RBMS3: variants seen among roughly 807,000 people sequenced by gnomAD.
RBMS3 encodes RNA-binding motif, single-stranded-interacting protein 3.
Under a neutral mutation model 66.8 loss-of-function variants are expected in RBMS3, and 27 were observed. That is an observed-to-expected ratio of 0.40 (90% CI 0.30 to 0.56). The LOEUF (loss-of-function observed/expected upper bound fraction) is 0.56. RBMS3 is among the 20% of genes least tolerant of loss of function. RBMS3 has a pLI of 0.40. For synonymous variants in RBMS3, 188 were observed against 183.0 expected, an observed-to-expected ratio of 1.03 and a Z score of -0.22; for missense variants, 513 against 549.5, an observed-to-expected ratio of 0.93 and a Z score of 0.66.
At chr3:29,696,030 C>A (rs1476406747) in intron 4 of RBMS3, among the ~76,000 whole-genome samples, 1 of 152,156 alleles carries the variant, frequency 6.6e-6, no homozygotes, top group Non-Finnish European at 1.5e-5. Flanking sequence ...TTCTTTCTTG[C>A]CGTCAGTAAA....
intron 6 of RBMS3, among the ~76,000 whole-genome samples, chr3:29,796,445 T>C (rs2057190449): frequency 6.6e-6 from 1 of 152,206 alleles, no homozygotes; most frequent in Non-Finnish European, 1.5e-5. Flanking sequence ...TAATGGCATC[T>C]AGAATGATGA....
At chr3:29,560,559 G>A (rs749081095) in intron 3 of RBMS3, among the ~76,000 whole-genome samples, 11 of 152,174 alleles carry the variant, frequency 7.2e-5, no homozygotes, top group East Asian at 1.9e-4. Context: ...TTATTTTCAC[G>A]TAAGGGTTGC....
chr3:29,863,927 AT>A lies in RBMS3; in HGVS notation c.638-4927del, dbSNP rs2059281282. Among the ~76,000 whole-genome samples, 3 of 152,254 alleles carry A rather than the reference AT, an allele frequency of 2.0e-5. No homozygotes were observed. The South Asian group carries it at 6.2e-4, about 32-fold the overall frequency. On this transcript the variant is annotated intron_variant, in intron 6 of 14. Coordinates refer to ENST00000383767, the MANE Select transcript of RBMS3 (RefSeq NM_001003793.3). ...GTAAATAACTCATTTAGAGAATTTT[AT>A]TTTATTTATTTAATACAAATGTTTA...
chr3:29,907,785 A>G (rs978023619), intron 10 of RBMS3, among the ~76,000 whole-genome samples: 1 of 152,108 alleles, frequency 6.6e-6, no homozygotes, highest in African/African-American at 2.4e-5. Context: ...ACAATTTTAA[A>G]TAGCATTAAA....
chr3:29,911,892 T>A (rs1228918371), intron 10 of RBMS3, among the ~76,000 whole-genome samples: 1 of 152,068 alleles, frequency 6.6e-6, no homozygotes, highest in African/African-American at 2.4e-5. Context: ...TGGGAATAAT[T>A]TTCAGAGATA....
intron 4 of RBMS3, among the ~76,000 whole-genome samples, chr3:29,631,758 T>C (rs2049290418): frequency 6.6e-6 from 1 of 151,874 alleles, no homozygotes. Flanking sequence ...TGGAAACCTA[T>C]TTTGTTCTGT....
chr3:29,302,360 A>G (rs1264671648), intron 1 of RBMS3, among the ~76,000 whole-genome samples: 1 of 151,934 alleles, frequency 6.6e-6, no homozygotes, highest in Non-Finnish European at 1.5e-5. Flanking sequence ...TTGTATACAA[A>G]ATAGCCATTT....
At chr3:29,894,168 TA>T (rs1392868700) in intron 8 of RBMS3, among the ~76,000 whole-genome samples, 1 of 151,532 alleles carries the variant, frequency 6.6e-6, no homozygotes, top group Non-Finnish European at 1.5e-5. Context: ...CCGATTCTGG[TA>T]AAGGCTCTCT....
chr3:29,820,529 C>A (rs936234068), intron 6 of RBMS3, among the ~76,000 whole-genome samples: 2 of 152,050 alleles, frequency 1.3e-5, no homozygotes, highest in Non-Finnish European at 2.9e-5. Flanking sequence ...GCACTCAAAC[C>A]AGCTAATTCA....
intron 3 of RBMS3, among the ~76,000 whole-genome samples, chr3:29,545,096 A>T: frequency 6.6e-6 from 1 of 152,282 alleles, no homozygotes; most frequent in East Asian, 1.9e-4. Context: ...AAAAGAAACT[A>T]AAAGCCTTTC....
At chr3:29,284,494 T>C (rs1368142426) in intron 1 of RBMS3, among the ~76,000 whole-genome samples, 1 of 152,136 alleles carries the variant, frequency 6.6e-6, no homozygotes, top group Non-Finnish European at 1.5e-5. Context: ...TATTTTTTAA[T>C]GATAAAACAA....
intron 1 of RBMS3, among the ~76,000 whole-genome samples, chr3:29,419,517 C>T (rs115408641): frequency 0.014 from 2,100 of 152,258 alleles, 23 homozygotes; most frequent in Non-Finnish European, 0.023. Context: ...TAGATCTCTT[C>T]TTCAAGTCGA....
At chr3:29,659,592 T>C (rs760100689) in intron 4 of RBMS3, among the ~76,000 whole-genome samples, 1 of 152,234 alleles carries the variant, frequency 6.6e-6, no homozygotes, top group Non-Finnish European at 1.5e-5. Context: ...TATTACAGTA[T>C]ATGTATATAC....
At chr3:29,555,317 T>C (rs2046318511) in intron 3 of RBMS3, among the ~76,000 whole-genome samples, 1 of 152,194 alleles carries the variant, frequency 6.6e-6, no homozygotes, top group African/African-American at 2.4e-5. Context: ...CTATGTGACA[T>C]TTCGCAGAAG....
At chr3:29,408,396 G>T (rs927147082) in intron 1 of RBMS3, among the ~76,000 whole-genome samples, 36 of 151,634 alleles carry the variant, frequency 2.4e-4, no homozygotes, top group Non-Finnish European at 5.9e-5. Flanking sequence ...ATCTGTCTGT[G>T]CCTCAATTTC....
chr3:29,862,780 G>T (rs776063647), intron 6 of RBMS3, among the ~76,000 whole-genome samples: 1 of 151,434 alleles, frequency 6.6e-6, no homozygotes, highest in Non-Finnish European at 1.5e-5. Context: ...GGAGGCGCAG[G>T]CTGAAGTGAG....
intron 1 of RBMS3, among the ~76,000 whole-genome samples, chr3:29,324,673 T>C (rs9839176): frequency 0.75 from 113,433 of 152,014 alleles, 42,658 homozygotes; most frequent in East Asian, 0.92. Context: ...GCCCTTACAA[T>C]CTCCTGCACT....
chr3:29,872,310 A>G (rs1372071820), intron 7 of RBMS3, among the ~76,000 whole-genome samples: 1 of 152,156 alleles, frequency 6.6e-6, no homozygotes, highest in Non-Finnish European at 1.5e-5. Context: ...TTTTTTGAGA[A>G]AAGTGGTGGA....
chr3:29,393,828 C>A (rs958016262), intron 1 of RBMS3, among the ~76,000 whole-genome samples: 1 of 151,834 alleles, frequency 6.6e-6, no homozygotes, highest in Non-Finnish European at 1.5e-5. Context: ...TTAGGGATTT[C>A]GAAAGGGGAG....
Sources: gnomAD v4.1 joint callset for allele counts (sites outside exome capture counted in the v4.1 genomes callset) on GRCh38, gnomAD v4.1.1 for gene constraint, MANE v1.5 for transcripts, NCBI Gene and HGNC (gene_info 2026-07-23, HGNC 2026-07-21) for gene names.